CCDC144A: variants seen among roughly 807,000 people sequenced by gnomAD.
The protein encoded by CCDC144A is coiled-coil domain containing 144A, also known as coiled-coil domain-containing protein 144A.
CCDC144A carries 41 observed loss-of-function variants against 143.8 expected under a neutral mutation model. The ratio of observed to expected loss-of-function variants is 0.29; its 90% confidence interval spans 0.22 to 0.37. The LOEUF (loss-of-function observed/expected upper bound fraction) is 0.37, where lower values mean the gene tolerates loss of function less well. CCDC144A is among the 10% of genes least tolerant of loss of function. The pLI is 1.00. For synonymous variants in CCDC144A, 242 were observed against 517.9 expected (o/e 0.47, Z 7.23); for missense variants, 637 against 1,488.8 (o/e 0.43, Z 9.41).
chr17:16,746,060 C>G, intron 12 of CCDC144A: 4 of 1,609,810 alleles, frequency 2.5e-6, no homozygotes, highest in Non-Finnish European at 3.4e-6. Flanking sequence ...GTGACGTCTC[C>G]TGGGGCTCCT....
intron 2 of CCDC144A, among the ~76,000 whole-genome samples, chr17:16,699,382 G>T (rs200155527): frequency 1.3e-5 from 2 of 149,474 alleles, no homozygotes; most frequent in Non-Finnish European, 3.0e-5. Context: ...GACTTTTTTT[G>T]TTGTTGTTGT....
chr17:16,749,566 G>T (rs1037807190), intron 12 of CCDC144A, among the ~76,000 whole-genome samples: 22 of 152,374 alleles, frequency 1.4e-4, no homozygotes, highest in Middle Eastern at 6.8e-3. Flanking sequence ...GTATTCTGTA[G>T]TTGTTTGGTG....
At chr17:16,671,426 T>C in the CCDC144A span, among the ~76,000 whole-genome samples, 3 of 152,156 alleles carry the variant, frequency 2.0e-5, no homozygotes, top group Non-Finnish European at 2.9e-5. Flanking sequence ...TTCTGTGTCC[T>C]GCTCTGAGCA....
chr17:16,755,606 C>G (rs1915041428), intron 12 of CCDC144A, among the ~76,000 whole-genome samples: 1 of 152,202 alleles, frequency 6.6e-6, no homozygotes, highest in African/African-American at 2.4e-5. Flanking sequence ...GTTGCCCTGG[C>G]TGGAGTTCAG....
intron 12 of CCDC144A, among the ~76,000 whole-genome samples, chr17:16,758,234 C>T (rs576830518): frequency 6.6e-6 from 1 of 152,384 alleles, no homozygotes; most frequent in East Asian, 1.9e-4. Flanking sequence ...TATTACCTCT[C>T]ACCCCACACA....
the CCDC144A span, chr17:16,683,961 C>G: frequency 8.6e-7 from 1 of 1,168,416 alleles, no homozygotes; most frequent in South Asian, 1.2e-5. Context: ...CCGGGCTATC[C>G]TTTAACTGTA....
At chr17:16,719,231 G>A (rs1415594941) in intron 6 of CCDC144A, among the ~76,000 whole-genome samples, 2 of 152,034 alleles carry the variant, frequency 1.3e-5, no homozygotes, top group African/African-American at 2.4e-5. Context: ...ATTGCCATCA[G>A]CATGTATTGT....
chr17:16,717,070 G>A (rs1005592477), intron 6 of CCDC144A, among the ~76,000 whole-genome samples: 40 of 150,592 alleles, frequency 2.7e-4, no homozygotes, highest in African/African-American at 9.3e-4. Context: ...CAAAGTGCTG[G>A]GATTACAGGC....
Position 16,734,958 on chromosome 17 carries a change from A to G in CCDC144A, c.2687A>G (p.Asn896Ser). 1.3e-6 allele frequency: 2 copies of G among 1,590,242 alleles called. No homozygotes were observed. Among genetic ancestry groups the G allele is most frequent in the South Asian group, 1.1e-5 (1 of 87,230 alleles). The change falls in exon 12 of 17, where the codon AAT (asparagine) becomes AGT (serine). Residue 896 changes from asparagine (N) to serine (S), a missense_variant. Coordinates refer to ENST00000399273, the MANE Select transcript of CCDC144A (RefSeq NM_001382000.1). ...NNLTAENKILNSELENGKQNQ... is the reference protein window; with the variant it reads ...NNLTAENKILSSELENGKQNQ... ...CTGACAGCTGAGAACAAAATACTCA[A>G]TTCTGAACTGGAGAATGGGAAACAG... is the stretch of plus-strand genomic sequence containing the variant.
At chr17:16,666,945 G>A in the CCDC144A span, 24,450 of 152,440 alleles carry the variant, frequency 0.16, 2,372 homozygotes, top group East Asian at 0.35. Flanking sequence ...TGATGGCGCC[G>A]GGAGGCCTTG....
intron 12 of CCDC144A, among the ~76,000 whole-genome samples, chr17:16,744,469 G>A (rs1021292332): frequency 6.6e-5 from 10 of 151,802 alleles, no homozygotes; most frequent in African/African-American, 2.4e-4. Context: ...GTGATGATGA[G>A]CATTTTTTCA....
At chr17:16,683,492 C>T in the CCDC144A span, 3 of 1,471,418 alleles carry the variant, frequency 2.0e-6, no homozygotes, top group African/African-American at 1.4e-5. Flanking sequence ...TGCCCTGCCG[C>T]CGCTCTCGCG....
intron 12 of CCDC144A, among the ~76,000 whole-genome samples, chr17:16,754,264 C>A (rs772141253): frequency 7.2e-5 from 11 of 152,116 alleles, no homozygotes; most frequent in African/African-American, 2.4e-4. Context: ...TCAGTTCTGC[C>A]CTGCCTTTAT....
At chr17:16,759,556 G>A (rs1339242540) in intron 12 of CCDC144A, among the ~76,000 whole-genome samples, 1 of 151,104 alleles carries the variant, frequency 6.6e-6, no homozygotes, top group Non-Finnish European at 1.5e-5. Context: ...CAGCGGCTGT[G>A]TAGTAACAGT....
chr17:16,690,610 C>A lies in CCDC144A; in HGVS notation c.210C>A (p.Asp70Glu). The part of the protein sequence containing the change: ...SESKHGEGAL[D>E]QPQHDVRLED... ...GCAAGCACGGTGAGGGCGCCTTAGA[C>A]CAGCCCCAGCACGACGTCCGCCTGG... Residue 70 changes from aspartate to glutamate, a missense_variant, in exon 1 of 17, where the codon GAC becomes GAA. Asp to Glu is a conservative substitution (Grantham distance 45, BLOSUM62 2). Transcript: ENST00000399273. 1 of 1,613,698 alleles carries A rather than the reference C, an allele frequency of 6.2e-7. No individual in the cohort carries two copies. The highest frequency in any genetic ancestry group is 8.5e-7 in the Non-Finnish European group (1 of 1,179,868).
At chr17:16,729,237 C>T (rs1913588213) in intron 9 of CCDC144A, among the ~76,000 whole-genome samples, 1 of 152,234 alleles carries the variant, frequency 6.6e-6, no homozygotes, top group Admixed American at 6.5e-5. Flanking sequence ...TTCACCACAT[C>T]TGCACCAACA....
intron 2 of CCDC144A, among the ~76,000 whole-genome samples, chr17:16,693,481 A>T (rs1049085550): frequency 2.0e-4 from 30 of 151,936 alleles, no homozygotes; most frequent in African/African-American, 6.8e-4. Flanking sequence ...CCGCCCGGCT[A>T]ATTTTTTGTA....
At chr17:16,671,147 T>A in the CCDC144A span, among the ~76,000 whole-genome samples, 1 of 151,886 alleles carries the variant, frequency 6.6e-6, no homozygotes, top group African/African-American at 2.4e-5. Flanking sequence ...CCACCACACC[T>A]AATTTTTGTA....
In CCDC144A at chr17:16,773,400, A is replaced by G; in HGVS notation, c.4142-97A>G. The G allele has an allele frequency of 2.1e-6, 3 of 1,454,962 alleles. No individual in the cohort carries two copies. In the South Asian group the frequency reaches 4.3e-5, roughly 21 times the overall value. 90.1% of individuals were successfully genotyped at this position (1,454,962 alleles called of 1,614,324 possible). ...GAGGACAAGACTGCAGTGACCTGTG[A>G]TCACACCATGGCACTCCAGCATAGG... On this transcript the variant is annotated intron_variant, in intron 16 of 16. Transcript: ENST00000399273.
Sources: gnomAD v4.1 joint callset for allele counts (sites outside exome capture counted in the v4.1 genomes callset) on GRCh38, gnomAD v4.1.1 for gene constraint, MANE v1.5 for transcripts, NCBI Gene and HGNC (gene_info 2026-07-23, HGNC 2026-07-21) for gene names.